The following SHISA9 variants were observed in gnomAD, a reference collection of about 807,000 sequenced individuals.
SHISA9 encodes the protein protein shisa-9.
In SHISA9, 13 loss-of-function variants were observed where a neutral mutation model predicts 38.0. The observed-to-expected ratio is 0.34, with a 90% confidence interval of 0.22 to 0.54. The LOEUF is 0.54. Among genes scored for constraint, SHISA9 ranks in the 20% least tolerant of loss-of-function variants. The pLI is 0.91. For missense variants in SHISA9, 538 were observed against 575.8 expected, an observed-to-expected ratio of 0.93 and a Z score of 0.67; for synonymous variants, 275 against 242.0, an observed-to-expected ratio of 1.14 and a Z score of -1.27.
chr16:13,085,453 C>A (rs991122334), intron 2 of SHISA9, among the ~76,000 whole-genome samples: 3 of 152,138 alleles, frequency 2.0e-5, no homozygotes, highest in African/African-American at 4.8e-5. Flanking sequence ...GGCCTAGAGC[C>A]AGTGTGAAAT....
the SHISA9 span, among the ~76,000 whole-genome samples, chr16:13,561,889 A>C: frequency 2.0e-5 from 3 of 152,142 alleles, no homozygotes; most frequent in African/African-American, 7.2e-5. Context: ...AGCAAAAGAC[A>C]GCTGTATTGG....
intron 2 of SHISA9, among the ~76,000 whole-genome samples, chr16:13,066,077 C>T (rs536716196): frequency 6.6e-6 from 1 of 152,332 alleles, no homozygotes; most frequent in South Asian, 2.1e-4. Context: ...TTCTCCATCC[C>T]TCACTGAGGG....
the SHISA9 span, among the ~76,000 whole-genome samples, chr16:13,498,215 A>C: frequency 6.6e-6 from 1 of 152,170 alleles, no homozygotes; most frequent in Non-Finnish European, 1.5e-5. Flanking sequence ...ATACCAAAAA[A>C]ATCAGTTTCA....
the SHISA9 span, among the ~76,000 whole-genome samples, chr16:13,409,175 C>T: frequency 1.5e-3 from 232 of 152,196 alleles, 3 homozygotes; most frequent in African/African-American, 5.4e-3. Flanking sequence ...GGAGTTCGGC[C>T]GCTAGATGGC....
At chr16:12,926,222 T>C (rs2071391823) in intron 2 of SHISA9, among the ~76,000 whole-genome samples, 2 of 152,186 alleles carry the variant, frequency 1.3e-5, no homozygotes, top group Non-Finnish European at 2.9e-5. Flanking sequence ...TTATGACCTT[T>C]CTCATGCCTT....
At chr16:13,363,702 A>G in the SHISA9 span, among the ~76,000 whole-genome samples, 1 of 152,228 alleles carries the variant, frequency 6.6e-6, no homozygotes, top group Non-Finnish European at 1.5e-5. Context: ...CCTTTTCTGT[A>G]TCATCTGTGC....
chr16:12,970,329 A>ATG (rs1228176414), intron 2 of SHISA9, among the ~76,000 whole-genome samples: 1 of 45,438 alleles, frequency 2.2e-5, no homozygotes, highest in Non-Finnish European at 3.9e-5. Flanking sequence ...ATATATACAT[A>ATG]TATATATATA....
intron 2 of SHISA9, among the ~76,000 whole-genome samples, chr16:13,070,472 G>C (rs907440220): frequency 6.6e-6 from 1 of 152,198 alleles, no homozygotes; most frequent in Non-Finnish European, 1.5e-5. Context: ...ATTCCCCTTT[G>C]GGGGAGGGAC....
chr16:13,265,232 C>A, the SHISA9 span, among the ~76,000 whole-genome samples: 1 of 120,464 alleles, frequency 8.3e-6, no homozygotes, highest in Non-Finnish European at 1.7e-5. Flanking sequence ...TCTTTTCCCT[C>A]CCCTCCCTTC....
chr16:13,293,019 C>G, the SHISA9 span, among the ~76,000 whole-genome samples: 1 of 152,232 alleles, frequency 6.6e-6, no homozygotes, highest in South Asian at 2.1e-4. Context: ...ATGAAGCAAA[C>G]AAAACCCAGG....
chr16:12,959,809 C>T (rs750503537), intron 2 of SHISA9, among the ~76,000 whole-genome samples: 1 of 152,192 alleles, frequency 6.6e-6, no homozygotes, highest in Non-Finnish European at 1.5e-5. Context: ...CACAGCTCTG[C>T]CCTGCTGCCC....
At chr16:12,967,981 G>A (rs1482778429) in intron 2 of SHISA9, among the ~76,000 whole-genome samples, 2 of 151,968 alleles carry the variant, frequency 1.3e-5, no homozygotes, top group African/African-American at 4.8e-5. Flanking sequence ...CCTTAGGTCA[G>A]GAGTTCAAGA....
chr16:13,515,014 C>T, the SHISA9 span, among the ~76,000 whole-genome samples: 13 of 151,880 alleles, frequency 8.6e-5, no homozygotes, highest in East Asian at 1.9e-4. Context: ...TGAGAAACAA[C>T]GCAAGCAAAA....
intron 4 of SHISA9, among the ~76,000 whole-genome samples, chr16:13,214,054 G>C (rs1028941872): frequency 6.6e-6 from 1 of 152,024 alleles, no homozygotes; most frequent in Non-Finnish European, 1.5e-5. Flanking sequence ...ACCTCTATCA[G>C]TCTGACCCTT....
chr16:13,021,752 C>T (rs2072857124), intron 2 of SHISA9, among the ~76,000 whole-genome samples: 1 of 152,026 alleles, frequency 6.6e-6, no homozygotes, highest in Non-Finnish European at 1.5e-5. Flanking sequence ...TCTAGAATAC[C>T]CCCTGTGTCA....
the SHISA9 span, among the ~76,000 whole-genome samples, chr16:13,418,386 G>A: frequency 6.6e-6 from 1 of 152,158 alleles, no homozygotes; most frequent in South Asian, 2.1e-4. Context: ...GGTTGGAATG[G>A]CTCACCTGGG....
the SHISA9 span, among the ~76,000 whole-genome samples, chr16:13,364,220 C>G: frequency 1.0e-3 from 158 of 152,204 alleles, 2 homozygotes; most frequent in Non-Finnish European, 4.0e-4. Context: ...TCTGAAACAC[C>G]TGTGCCCACT....
chr16:13,549,709 C>T, the SHISA9 span, among the ~76,000 whole-genome samples: 54,278 of 151,690 alleles, frequency 0.36, 10,397 homozygotes, highest in East Asian at 0.62. Flanking sequence ...TATTTTAGAT[C>T]GTGTATACAA....
chr16:13,314,773 T>C, the SHISA9 span, among the ~76,000 whole-genome samples: 123 of 152,232 alleles, frequency 8.1e-4, 1 homozygote, highest in African/African-American at 2.2e-3. Context: ...TAATTTAACA[T>C]AGTCAAATTT....
Sources: gnomAD v4.1 joint callset for allele counts (sites outside exome capture counted in the v4.1 genomes callset) on GRCh38, gnomAD v4.1.1 for gene constraint, MANE v1.5 for transcripts, NCBI Gene and HGNC (gene_info 2026-07-23, HGNC 2026-07-21) for gene names.